Variants in NAV2 observed in about 807,000 individuals in gnomAD.
NAV2 encodes helicase, APC down-regulated 1.
Under a neutral mutation model 223.2 loss-of-function variants are expected in NAV2, and 54 were observed. The observed-to-expected ratio is 0.24, with a 90% CI of 0.19 to 0.30. The LOEUF (loss-of-function observed/expected upper bound fraction) is 0.30. Among genes scored for constraint, NAV2 ranks in the 10% least tolerant of loss-of-function variants. NAV2 has a pLI of 1.00. For missense variants in NAV2, 2,806 were observed against 3,147.5 expected (o/e 0.89, Z 2.60); for synonymous variants, 1,279 against 1,239.3 (o/e 1.03, Z -0.67).
intron 1 of NAV2, among the ~76,000 whole-genome samples, chr11:19,489,522 A>G (rs1459358165): frequency 6.6e-6 from 1 of 152,212 alleles, no homozygotes; most frequent in South Asian, 2.1e-4. Flanking sequence ...TTCTTCATCC[A>G]TTAAATGAGG....
chr11:19,485,842 C>T (rs1350102033), intron 1 of NAV2, among the ~76,000 whole-genome samples: 2 of 151,952 alleles, frequency 1.3e-5, no homozygotes, highest in Non-Finnish European at 2.9e-5. Context: ...AATAAAGATG[C>T]CATGGAACAA....
At chr11:19,801,657 C>T (rs2152771920) in intron 1 of NAV2, among the ~76,000 whole-genome samples, 1 of 152,270 alleles carries the variant, frequency 6.6e-6, no homozygotes. Flanking sequence ...TGTGGCTGAG[C>T]TGGAATCTGC....
intron 5 of NAV2, among the ~76,000 whole-genome samples, chr11:19,890,454 A>G (rs753792279): frequency 2.0e-5 from 3 of 152,116 alleles, no homozygotes; most frequent in Admixed American, 6.5e-5. Flanking sequence ...TTCCCTCTTC[A>G]TTGCTTTTTG....
chr11:20,076,992 G>A (rs2059796736), intron 22 of NAV2, among the ~76,000 whole-genome samples: 1 of 152,092 alleles, frequency 6.6e-6, no homozygotes, highest in Admixed American at 6.5e-5. Context: ...TATTAACCAG[G>A]ATTATAACAA....
chr11:19,573,876 C>T (rs538911889), intron 1 of NAV2, among the ~76,000 whole-genome samples: 10 of 152,246 alleles, frequency 6.6e-5, no homozygotes, highest in African/African-American at 1.7e-4. Flanking sequence ...CTGTGTCAGG[C>T]GGCCCAAGTG....
At chr11:19,418,421 T>C (rs564106140) in intron 1 of NAV2, among the ~76,000 whole-genome samples, 1 of 152,360 alleles carries the variant, frequency 6.6e-6, no homozygotes, top group East Asian at 1.9e-4. Context: ...AGCCCAGAGA[T>C]GCCTTCTCAC....
At chr11:19,701,776 G>A (rs1240733069) in intron 1 of NAV2, among the ~76,000 whole-genome samples, 1 of 152,188 alleles carries the variant, frequency 6.6e-6, no homozygotes, top group Non-Finnish European at 1.5e-5. Flanking sequence ...GACAATTCCT[G>A]TGTATTTTGT....
intron 20 of NAV2, among the ~76,000 whole-genome samples, chr11:20,064,847 G>A (rs1052413919): frequency 2.6e-5 from 4 of 152,246 alleles, no homozygotes; most frequent in Non-Finnish European, 5.9e-5. Context: ...CTCACCATAT[G>A]ACTTTGGACA....
chr11:19,727,149 A>T (rs566350181), intron 1 of NAV2, among the ~76,000 whole-genome samples: 1 of 152,306 alleles, frequency 6.6e-6, no homozygotes, highest in South Asian at 2.1e-4. Flanking sequence ...TCTACTTGGT[A>T]GCTGCAGAGG....
chr11:19,621,743 G>A (rs1246404581), intron 1 of NAV2, among the ~76,000 whole-genome samples: 1 of 150,992 alleles, frequency 6.6e-6, no homozygotes, highest in East Asian at 1.9e-4. Flanking sequence ...TGTTTTTTTT[G>A]TCTCTATCTC....
At chr11:19,893,091 G>A (rs2153146992) in intron 6 of NAV2, among the ~76,000 whole-genome samples, 1 of 151,992 alleles carries the variant, frequency 6.6e-6, no homozygotes, top group Non-Finnish European at 1.5e-5. Flanking sequence ...GGAGTGGACA[G>A]CATTGCTCTA....
chr11:19,578,636 AG>A (rs1409689939), intron 1 of NAV2, among the ~76,000 whole-genome samples: 4 of 152,354 alleles, frequency 2.6e-5, no homozygotes, highest in East Asian at 3.9e-4. Context: ...TCCCATTTGT[AG>A]TACTTACAAA....
intron 1 of NAV2, among the ~76,000 whole-genome samples, chr11:19,372,307 T>A (rs1848497931): frequency 6.6e-6 from 1 of 152,312 alleles, no homozygotes; most frequent in African/African-American, 2.4e-5. Flanking sequence ...AGCTGAAAAG[T>A]GCTGAATAGA....
chr11:19,605,532 A>T (rs1364775990), intron 1 of NAV2, among the ~76,000 whole-genome samples: 1 of 149,226 alleles, frequency 6.7e-6, no homozygotes, highest in Non-Finnish European at 1.5e-5. Context: ...TCTAAATATT[A>T]TTTAAAAAAA....
At chr11:19,621,053 C>T (rs1640767) in intron 1 of NAV2, among the ~76,000 whole-genome samples, 18 of 152,134 alleles carry the variant, frequency 1.2e-4, no homozygotes, top group East Asian at 5.8e-4. Context: ...GTTTATATGA[C>T]GGATTAGGTT....
chr11:19,380,195 G>C (rs1420190860), intron 1 of NAV2, among the ~76,000 whole-genome samples: 1 of 152,058 alleles, frequency 6.6e-6, no homozygotes, highest in East Asian at 1.9e-4. Flanking sequence ...CTCTACTCTG[G>C]CAACAGTCTA....
intron 1 of NAV2, among the ~76,000 whole-genome samples, chr11:19,458,076 A>G (rs1480294295): frequency 6.6e-6 from 1 of 152,146 alleles, no homozygotes; most frequent in Admixed American, 6.5e-5. Flanking sequence ...CAAGTTCCCT[A>G]TATGACAGGC....
At chr11:19,573,461 CTG>C (rs536815432) in intron 1 of NAV2, among the ~76,000 whole-genome samples, 4 of 152,166 alleles carry the variant, frequency 2.6e-5, no homozygotes, top group Non-Finnish European at 5.9e-5. Context: ...GACTCAATGA[CTG>C]TGGCATGCGT....
intron 1 of NAV2, among the ~76,000 whole-genome samples, chr11:19,666,063 A>G (rs1401786858): frequency 2.6e-5 from 4 of 152,188 alleles, no homozygotes; most frequent in Non-Finnish European, 4.4e-5. Context: ...GTAAGATATT[A>G]TAAATCCCTT....
Sources: allele counts gnomAD v4.1 joint callset (sites outside exome capture counted in the v4.1 genomes callset), GRCh38; gene constraint gnomAD v4.1.1; transcripts MANE v1.5; gene names NCBI Gene and HGNC (gene_info 2026-07-23, HGNC 2026-07-21).